The following ENPP1 variants were observed in gnomAD, a reference collection of about 807,000 sequenced individuals.
ENPP1 encodes ectonucleotide pyrophosphatase/phosphodiesterase 1.
Under a neutral mutation model 122.8 loss-of-function variants are expected in ENPP1, and 73 were observed. That is an observed-to-expected ratio of 0.59 (90% confidence interval 0.49 to 0.72). The LOEUF is 0.72. Among genes scored for constraint, ENPP1 ranks in the 30% least tolerant of loss-of-function variants. The pLI is 0.00. For missense variants in ENPP1, 978 were observed against 1,128.1 expected (o/e 0.87, Z 1.91); for synonymous variants, 367 against 391.6 (o/e 0.94, Z 0.74).
At chr6:131,888,258 G>A (rs1396533482) in intron 24 of ENPP1, among the ~76,000 whole-genome samples, 1 of 137,596 alleles carries the variant, frequency 7.3e-6, no homozygotes, top group Admixed American at 7.6e-5. Context: ...TTTCATTGAA[G>A]TGACACCAAG....
intron 1 of ENPP1, among the ~76,000 whole-genome samples, chr6:131,842,347 A>C (rs1781752179): frequency 6.6e-6 from 1 of 152,158 alleles, no homozygotes; most frequent in Non-Finnish European, 1.5e-5. Flanking sequence ...CATGGCGTAT[A>C]TATGGTCACC....
chr6:131,867,929 T>TTC (rs2114710127), intron 11 of ENPP1, 89 bp from the exon 12 acceptor site: 103 of 527,542 alleles, frequency 2.0e-4, no homozygotes, highest in African/African-American at 1.8e-3. Context: ...GTTTCTTTCT[T>TTC]TTTTTTTTTT....
chr6:131,814,405 GA>G (rs887079274), intron 1 of ENPP1, among the ~76,000 whole-genome samples: 16 of 147,114 alleles, frequency 1.1e-4, no homozygotes, highest in Middle Eastern at 3.5e-3. Context: ...CTGACCTAAA[GA>G]AAAAAAAAAC....
At chr6:131,886,518 G>C (rs1562186470) in intron 23 of ENPP1, 44 bp from the exon 24 acceptor site, 16 of 1,403,050 alleles carry the variant, frequency 1.1e-5, no homozygotes, top group Non-Finnish European at 1.5e-5. Flanking sequence ...TCAAAAGGAA[G>C]ATAGTTATTT....
intron 1 of ENPP1, chr6:131,819,947 T>TC: frequency 1.8e-6 from 1 of 562,210 alleles, no homozygotes; most frequent in Non-Finnish European, 3.3e-6. Context: ...TTCTTTTTTT[T>TC]TTTTTTCGCA....
chr6:131,809,176 T>C (rs961002848), intron 1 of ENPP1, among the ~76,000 whole-genome samples: 4 of 152,152 alleles, frequency 2.6e-5, no homozygotes, highest in African/African-American at 7.2e-5. Flanking sequence ...GGGAAGTAAA[T>C]TGAAAACAGC....
chr6:131,863,958 A>C (rs1425492965), intron 9 of ENPP1, among the ~76,000 whole-genome samples: 1 of 152,126 alleles, frequency 6.6e-6, no homozygotes, highest in Non-Finnish European at 1.5e-5. Context: ...TGGGGGATTC[A>C]AAGATTAATA....
Position 131,879,864 on chromosome 6 carries a change from C to A in ENPP1, c.1946-16C>A. On this transcript the variant is annotated splice_polypyrimidine_tract_variant and intron_variant, in intron 19 of 24. Coordinates refer to ENST00000647893, the MANE Select transcript of ENPP1 (RefSeq NM_006208.3). ...AATGCACACTAACTACATTTATTTT[C>A]ATCCTGTGACCCAAGAGAAGATTAT... The A allele has an allele frequency of 6.2e-7, 1 of 1,610,152 alleles. No individual in the cohort carries two copies. The highest frequency in any genetic ancestry group is 8.5e-7 in the Non-Finnish European group (1 of 1,176,506).
chr6:131,842,716 G>A (rs116103894), intron 1 of ENPP1, among the ~76,000 whole-genome samples: 2,049 of 151,954 alleles, frequency 0.013, 47 homozygotes, highest in African/African-American at 0.045. Flanking sequence ...TGCTTCCCCC[G>A]GCCAACTTCC....
chr6:131,848,220 G>A (rs1311725666), intron 2 of ENPP1, among the ~76,000 whole-genome samples: 3 of 152,152 alleles, frequency 2.0e-5, no homozygotes, highest in Non-Finnish European at 2.9e-5. Flanking sequence ...AAACCTGTCA[G>A]TATGTGCTCT....
chr6:131,867,901 GTCTT>G lies in ENPP1; in HGVS notation c.1165-103_1165-100del, dbSNP rs200238375. On this transcript the variant is annotated intron_variant, in intron 11 of 24. Coordinates refer to ENST00000647893, the MANE Select transcript of ENPP1 (RefSeq NM_006208.3). Reference sequence around the variant, plus strand: ...CTGGCCCTTATCTATCTATCTGTCTGTCTTTCTTTCTTTCTTTGTTTCTTTCTTT... The same window carrying G: ...CTGGCCCTTATCTATCTATCTGTCTGTCTTTCTTTCTTTGTTTCTTTCTTT... 269 of 749,424 alleles carry G rather than the reference GTCTT, an allele frequency of 3.6e-4. 1 individual carries two copies. The highest frequency in any genetic ancestry group is 3.5e-3 in the African/African-American group (194 of 55,630). 46.4% of individuals were successfully genotyped at this position (749,424 alleles called of 1,614,324 possible).
Position 131,835,178 on chromosome 6 carries a change from A to G in ENPP1, c.241-12598A>G, listed in dbSNP as rs7770116. 5.1e-3 allele frequency among the ~76,000 whole-genome samples: 771 copies of G among 152,314 alleles called. 8 individuals are homozygous for G. Among genetic ancestry groups the G allele is most frequent in the African/African-American group, 0.018 (739 of 41,566 alleles). On this transcript the variant is annotated intron_variant, in intron 1 of 24. Coordinates refer to ENST00000647893, the MANE Select transcript of ENPP1 (RefSeq NM_006208.3). Reference sequence around the variant, plus strand: ...TTAATTGAATATGGCTGGAATTTTAATGTGTAATTTACTTACAGTTTAAGT... The same window carrying G: ...TTAATTGAATATGGCTGGAATTTTAGTGTGTAATTTACTTACAGTTTAAGT...
chr6:131,837,535 A>C (rs976344902), intron 1 of ENPP1, among the ~76,000 whole-genome samples: 6 of 151,156 alleles, frequency 4.0e-5, no homozygotes, highest in Admixed American at 6.6e-5. Context: ...AAAAAAAAAA[A>C]AAAAAAAACC....
intron 13 of ENPP1, among the ~76,000 whole-genome samples, chr6:131,870,254 T>G (rs1219903292): frequency 6.6e-6 from 1 of 152,236 alleles, no homozygotes; most frequent in Non-Finnish European, 1.5e-5. Context: ...TATAGGCAAT[T>G]GATTCCTGTC....
chr6:131,826,944 C>A, intron 1 of ENPP1: 1 of 408,080 alleles, frequency 2.5e-6, no homozygotes, highest in South Asian at 2.3e-5. Flanking sequence ...CAGGATGCTT[C>A]AGGCAGAGGA....
At chr6:131,886,773 T>C (rs1328439780) in intron 24 of ENPP1, 49 bp downstream of exon 24, 12 of 1,524,614 alleles carry the variant, frequency 7.9e-6, no homozygotes, top group African/African-American at 2.7e-5. Flanking sequence ...TCTAGACATA[T>C]GCATATTTGT....
At chr6:131,854,159 C>A (rs1781915848) in intron 5 of ENPP1, among the ~76,000 whole-genome samples, 1 of 152,066 alleles carries the variant, frequency 6.6e-6, no homozygotes, top group Non-Finnish European at 1.5e-5. Context: ...AATCCTAACA[C>A]TTTGGGAGGC....
intron 23 of ENPP1, among the ~76,000 whole-genome samples, chr6:131,885,573 T>A (rs918793727): frequency 3.9e-5 from 6 of 152,184 alleles, no homozygotes; most frequent in African/African-American, 1.4e-4. Context: ...GGTGCTTTTT[T>A]AAAAAAGAGA....
At chr6:131,839,048 C>T (rs770432993) in intron 1 of ENPP1, among the ~76,000 whole-genome samples, 4 of 152,108 alleles carry the variant, frequency 2.6e-5, no homozygotes, top group Non-Finnish European at 5.9e-5. Context: ...CAAGGAGAAA[C>T]GAACTCTAAT....
Sources: allele counts gnomAD v4.1 joint callset (sites outside exome capture counted in the v4.1 genomes callset), GRCh38; gene constraint gnomAD v4.1.1; transcripts MANE v1.5; gene names NCBI Gene and HGNC (gene_info 2026-07-23, HGNC 2026-07-21).